Variants in DMD observed in about 807,000 individuals in gnomAD.
DMD encodes mutant dystrophin.
In DMD, 63 loss-of-function variants were observed where a neutral mutation model predicts 330.1. The ratio of observed to expected loss-of-function variants is 0.19; its 90% CI spans 0.16 to 0.24. DMD has a LOEUF of 0.24. Ranked by LOEUF, DMD falls within the 10% of genes least tolerant of loss-of-function variation. The probability of loss-of-function intolerance (pLI) is 1.00; values close to 1 mark genes in which losing one functional copy is unlikely to be tolerated. For missense variants in DMD, 3,344 were observed against 2,684.1 expected (o/e 1.25, Z -5.43); for synonymous variants, 1,223 against 959.8 (o/e 1.27, Z -5.07).
chrX:32,113,871 T>C (rs1008357898), intron 44 of DMD, among the ~76,000 whole-genome samples: 5 of 111,927 alleles, frequency 4.5e-5, no homozygotes, highest in Non-Finnish European at 9.4e-5. Context: ...TTTCAACATT[T>C]CTGCCTTTCC....
chrX:32,461,808 TA>T (rs1228307091), intron 25 of DMD, among the ~76,000 whole-genome samples: 2 of 109,728 alleles, frequency 1.8e-5, no homozygotes, highest in East Asian at 2.9e-4. Context: ...ATTTAAGTAA[TA>T]TTTTTTTTTT....
intron 42 of DMD, among the ~76,000 whole-genome samples, chrX:32,291,941 G>A (rs1368138751): frequency 8.9e-6 from 1 of 111,766 alleles, no homozygotes; most frequent in Non-Finnish European, 1.9e-5. Context: ...TTGGAGTTTA[G>A]TGCATTGCTC....
intron 63 of DMD, among the ~76,000 whole-genome samples, chrX:31,247,888 G>A (rs1004660356): frequency 8.9e-6 from 1 of 111,882 alleles, no homozygotes; most frequent in African/African-American, 3.3e-5. Flanking sequence ...ACTTATGGAT[G>A]AGCAAAGTAA....
chrX:33,092,685 C>G (rs781670708), intron 1 of DMD, among the ~76,000 whole-genome samples: 7 of 110,424 alleles, frequency 6.3e-5, no homozygotes, highest in African/African-American at 2.3e-4. Context: ...CATAACCTCA[C>G]CAATAAAGAG....
chrX:32,844,812 T>C lies in DMD; in HGVS notation c.235A>G (p.Lys79Glu). ...TTGTTCTGCAAAACCCGCAGTGCCT[T>C]GTTGACATTGTTCAGGGCATGAACT... is the stretch of plus-strand genomic sequence containing the variant. ...TRVHALNNVN[K>E]ALRVLQNNNV... Residue 79 changes from lysine to glutamate, a missense_variant, in exon 4 of 79, where the codon AAG becomes GAG. By Grantham distance (56) the Lys-to-Glu change is moderately conservative. Transcript: ENST00000357033. 1 of 1,211,562 alleles carries C rather than the reference T, an allele frequency of 8.3e-7. No homozygotes were observed. Among genetic ancestry groups the C allele is most frequent in the Non-Finnish European group, 1.1e-6 (1 of 895,272 alleles).
At chrX:32,777,272 C>T (rs1401346843) in intron 7 of DMD, among the ~76,000 whole-genome samples, 1 of 1,312 alleles carries the variant, frequency 7.6e-4, no homozygotes, top group Non-Finnish European at 2.0e-3. Context: ...AGTTTGGTTT[C>T]TGGTTGGGGG....
chrX:31,290,215 C>T (rs2053586606), intron 62 of DMD, among the ~76,000 whole-genome samples: 1 of 110,518 alleles, frequency 9.0e-6, no homozygotes, highest in South Asian at 3.9e-4. Flanking sequence ...GCCACCATGC[C>T]CAGTCTTATT....
intron 63 of DMD, among the ~76,000 whole-genome samples, chrX:31,260,011 T>TA (rs200745641): frequency 0.11 from 12,210 of 111,025 alleles, 689 homozygotes; most frequent in Non-Finnish European, 0.16. Flanking sequence ...GTTTTTATAT[T>TA]AAAAAAATAC....
At chrX:32,235,474 C>T (rs1426443957) in intron 43 of DMD, among the ~76,000 whole-genome samples, 1 of 111,011 alleles carries the variant, frequency 9.0e-6, no homozygotes, top group Non-Finnish European at 1.9e-5. Context: ...CGGATTGGTA[C>T]GGGTCTGTGG....
intron 1 of DMD, among the ~76,000 whole-genome samples, chrX:33,166,688 C>T (rs2049069477): frequency 9.1e-6 from 1 of 109,527 alleles, no homozygotes; most frequent in African/African-American, 3.3e-5. Flanking sequence ...CTTTTCAGTT[C>T]AAAGAATGGA....
intron 44 of DMD, among the ~76,000 whole-genome samples, chrX:31,983,325 A>G (rs1251266799): frequency 9.0e-6 from 1 of 111,255 alleles, no homozygotes; most frequent in Non-Finnish European, 1.9e-5. Context: ...CTTGGCCTTA[A>G]TACAAAACTC....
chrX:32,657,011 A>ATGTGTGTGTG (rs57052299), intron 9 of DMD, among the ~76,000 whole-genome samples: 1,255 of 100,768 alleles, frequency 0.012, 22 homozygotes, highest in African/African-American at 0.034. Context: ...ACCAACTTAT[A>ATGTGTGTGTG]TGTGTGTGTG....
intron 55 of DMD, among the ~76,000 whole-genome samples, chrX:31,518,650 C>G (rs1168451255): frequency 9.1e-6 from 1 of 109,568 alleles, no homozygotes; most frequent in East Asian, 2.8e-4. Context: ...TTTTGCAGAG[C>G]CATGATGAGG....
intron 63 of DMD, among the ~76,000 whole-genome samples, chrX:31,244,076 A>G (rs1229784374): frequency 8.9e-6 from 1 of 112,276 alleles, no homozygotes; most frequent in Non-Finnish European, 1.9e-5. Context: ...TTCTACCTGG[A>G]GAGATAAGTT....
chrX:31,750,784 C>G lies in DMD; in HGVS notation c.7543-21036G>C, dbSNP rs748155952. On this transcript the variant is annotated intron_variant, in intron 51 of 78. Transcript: ENST00000357033. The stretch of plus-strand genomic sequence containing the variant: ...CCCAAAATCTCCTTAAGCTGATAAG[C>G]AACTTCAGCAAAGTCTCAGGATACA... Among the ~76,000 whole-genome samples, 382 of 105,389 alleles carry G rather than the reference C, an allele frequency of 3.6e-3. 1 individual carries two copies. The highest frequency in any genetic ancestry group is 0.012 in the African/African-American group (341 of 28,734). The allele number at this position is 105,389 out of a possible 115,157, so 91.5% of individuals were successfully genotyped here.
rs765741231 is a variant in DMD at position 32,419,151 on chromosome X, T to G, written c.4072-7238A>C. 2.9e-3 allele frequency among the ~76,000 whole-genome samples: 316 copies of G among 110,522 alleles called. 2 individuals are homozygous for G. The highest frequency in any genetic ancestry group is 9.9e-3 in the African/African-American group (301 of 30,394). On this transcript the variant is annotated intron_variant, in intron 29 of 78. Coordinates refer to ENST00000357033, the MANE Select transcript of DMD (RefSeq NM_004006.3). ...AAAATTTCCAGATGTCTAGATATGC[T>G]TATACCAGCTTAATGAAATGTTTTC...
intron 55 of DMD, among the ~76,000 whole-genome samples, chrX:31,582,706 A>C (rs1199767664): frequency 8.9e-6 from 1 of 112,037 alleles, no homozygotes; most frequent in Admixed American, 9.5e-5. Flanking sequence ...AGAAACAGAA[A>C]ACTTTATGAG....
intron 76 of DMD, among the ~76,000 whole-genome samples, chrX:31,141,955 C>A (rs974351586): frequency 9.0e-6 from 1 of 111,052 alleles, no homozygotes; most frequent in African/African-American, 3.3e-5. Flanking sequence ...AAACATTTAA[C>A]CCGAACCCAA....
chrX:31,517,135 C>A (rs762753365), intron 55 of DMD, among the ~76,000 whole-genome samples: 23 of 111,690 alleles, frequency 2.1e-4, no homozygotes, highest in Non-Finnish European at 3.2e-4. Context: ...AATATTTATT[C>A]ATCACAAAAA....
Sources: allele counts gnomAD v4.1 joint callset (sites outside exome capture counted in the v4.1 genomes callset), GRCh38; gene constraint gnomAD v4.1.1; transcripts MANE v1.5; gene names NCBI Gene and HGNC (gene_info 2026-07-23, HGNC 2026-07-21).